The following COL5A2 variants were observed in gnomAD, a reference collection of about 807,000 sequenced individuals.
COL5A2 encodes collagen alpha-2(V) chain.
Under a neutral mutation model 208.2 loss-of-function variants are expected in COL5A2, and 23 were observed. The observed-to-expected ratio is 0.11, with a 90% CI of 0.08 to 0.16. The LOEUF is 0.16. Ranked by LOEUF, COL5A2 falls within the 10% of genes least tolerant of loss-of-function variation. The probability of loss-of-function intolerance (pLI) is 1.00; values close to 1 mark genes in which losing one functional copy is unlikely to be tolerated. For missense variants in COL5A2, 1,590 were observed against 1,956.4 expected (o/e 0.81, Z 3.53); for synonymous variants, 625 against 628.5 (o/e 0.99, Z 0.08).
At chr2:189,133,545 G>T (rs1687767930) in intron 1 of COL5A2, among the ~76,000 whole-genome samples, 1 of 152,146 alleles carries the variant, frequency 6.6e-6, no homozygotes, top group Admixed American at 6.5e-5. Context: ...GATAGTGATA[G>T]GGATGGCATG....
At chr2:189,143,516 T>C (rs561812583) in intron 1 of COL5A2, among the ~76,000 whole-genome samples, 4 of 152,322 alleles carry the variant, frequency 2.6e-5, no homozygotes, top group African/African-American at 7.2e-5. Flanking sequence ...GTCTCTCTCA[T>C]ATCCTCTATT....
chr2:189,145,769 A>G (rs1688026962), intron 1 of COL5A2, among the ~76,000 whole-genome samples: 1 of 152,176 alleles, frequency 6.6e-6, no homozygotes, highest in African/African-American at 2.4e-5. Context: ...ACAAAAGTAT[A>G]TGAGATAAGG....
chr2:189,038,363 A>T (rs565896267), intron 51 of COL5A2, among the ~76,000 whole-genome samples: 6 of 152,270 alleles, frequency 3.9e-5, no homozygotes, highest in African/African-American at 1.2e-4. Context: ...ACATGATTTC[A>T]TTCTTTTTTA....
At chr2:189,250,195 C>A in the COL5A2 span, among the ~76,000 whole-genome samples, 1 of 152,186 alleles carries the variant, frequency 6.6e-6, no homozygotes, top group East Asian at 1.9e-4. Flanking sequence ...TTAAATAGGG[C>A]TTACTGTGTA....
intron 3 of COL5A2, among the ~76,000 whole-genome samples, chr2:189,103,298 A>G (rs1428677435): frequency 2.6e-5 from 4 of 152,098 alleles, no homozygotes; most frequent in Non-Finnish European, 2.9e-5. Flanking sequence ...TCCAAATGAG[A>G]CAAATTTATG....
At chr2:189,301,424 T>C in the COL5A2 span, among the ~76,000 whole-genome samples, 6 of 152,204 alleles carry the variant, frequency 3.9e-5, no homozygotes, top group Non-Finnish European at 5.9e-5. Context: ...AGAATCTCTA[T>C]AGTTTTATCT....
At position 189,058,488 on chromosome 2, in the gene COL5A2, T is replaced by A. The variant is rs772065096; in HGVS notation, c.2170A>T (p.Ile724Leu). 1 of 1,614,034 alleles carries A rather than the reference T, an allele frequency of 6.2e-7. No homozygotes were observed. The highest frequency in any genetic ancestry group is 1.7e-5 in the Admixed American group (1 of 60,012). The change falls in exon 33 of 54, where the codon ATA (isoleucine) becomes TTA (leucine). Residue 724 changes from isoleucine (I) to leucine (L), a missense_variant. Transcript: ENST00000374866. ...CCCTTCTCACCAGGGAGTCCAGTTA[T>A]CCCAGGTTCTCCTCTTTCCCCAGGA... ...GNPGERGEPGITGLPGEKGMA... is the reference protein window; with the variant it reads ...GNPGERGEPGLTGLPGEKGMA...
chr2:189,240,140 A>T, the COL5A2 span, among the ~76,000 whole-genome samples: 11 of 152,332 alleles, frequency 7.2e-5, no homozygotes, highest in South Asian at 2.1e-4. Context: ...ATTTGAAGAA[A>T]ATACTGAAGG....
At chr2:189,299,851 T>C in the COL5A2 span, among the ~76,000 whole-genome samples, 21,486 of 152,124 alleles carry the variant, frequency 0.14, 1,944 homozygotes, top group South Asian at 0.21. Context: ...TTAATGTAGA[T>C]GAGACCCCAT....
chr2:189,260,151 C>A, the COL5A2 span, among the ~76,000 whole-genome samples: 1 of 151,962 alleles, frequency 6.6e-6, no homozygotes, highest in Non-Finnish European at 1.5e-5. Context: ...ATTCCTCTTT[C>A]AAAAAAACTG....
At chr2:189,414,679 AC>A in the COL5A2 span, among the ~76,000 whole-genome samples, 1 of 149,932 alleles carries the variant, frequency 6.7e-6, no homozygotes, top group Non-Finnish European at 1.5e-5. Context: ...AGCCCGGGAG[AC>A]AGAGGTTGCA....
intron 1 of COL5A2, among the ~76,000 whole-genome samples, chr2:189,143,378 T>A (rs1687973183): frequency 6.6e-6 from 1 of 152,188 alleles, no homozygotes; most frequent in Admixed American, 6.5e-5. Flanking sequence ...GAGGTGGCAC[T>A]GTTTTCCATT....
the COL5A2 span, among the ~76,000 whole-genome samples, chr2:189,279,058 A>G: frequency 7.9e-5 from 12 of 151,976 alleles, no homozygotes; most frequent in African/African-American, 2.7e-4. Flanking sequence ...AATAACATCA[A>G]GAAATACGAA....
Position 189,068,284 on chromosome 2 carries a change from T to C in COL5A2, c.1258-14A>G, listed in dbSNP as rs758843621. ...TCCTATTGCACCCTAAAAGGTACAT[T>C]AAAAGTATGTAATGAAATATTAAGC... On this transcript the variant is annotated splice_polypyrimidine_tract_variant and intron_variant, in intron 19 of 53. Transcript: ENST00000374866. 1 of 1,602,718 alleles carries C rather than the reference T, an allele frequency of 6.2e-7. No homozygotes were observed. The highest frequency in any genetic ancestry group is 8.5e-7 in the Non-Finnish European group (1 of 1,170,144).
the COL5A2 span, among the ~76,000 whole-genome samples, chr2:189,385,369 A>G: frequency 6.6e-6 from 1 of 152,182 alleles, no homozygotes; most frequent in African/African-American, 2.4e-5. Context: ...ATACAATCCT[A>G]TTTATAAAAG....
intron 13 of COL5A2, among the ~76,000 whole-genome samples, chr2:189,080,382 G>A (rs1686503997): frequency 6.6e-6 from 1 of 152,090 alleles, no homozygotes; most frequent in South Asian, 2.1e-4. Flanking sequence ...TATTCAAGGT[G>A]AATGTTCAAA....
the COL5A2 span, among the ~76,000 whole-genome samples, chr2:189,342,635 G>A: frequency 2.0e-5 from 2 of 99,648 alleles, no homozygotes; most frequent in African/African-American, 7.4e-5. Flanking sequence ...GTTACAGAGA[G>A]CTAAAACACA....
At chr2:189,185,472 A>C (rs1009840788) in intron 1 of COL5A2, among the ~76,000 whole-genome samples, 4 of 152,258 alleles carry the variant, frequency 2.6e-5, no homozygotes, top group African/African-American at 9.6e-5. Flanking sequence ...AAATAGAAAG[A>C]AGCAGAAAGA....
chr2:189,095,530 C>T (rs1013104265), intron 6 of COL5A2, among the ~76,000 whole-genome samples: 2 of 151,830 alleles, frequency 1.3e-5, no homozygotes, highest in African/African-American at 2.4e-5. Flanking sequence ...ACACACACAA[C>T]ACGCACACAC....
Sources: gnomAD v4.1 joint callset for allele counts (sites outside exome capture counted in the v4.1 genomes callset) on GRCh38, gnomAD v4.1.1 for gene constraint, MANE v1.5 for transcripts, NCBI Gene and HGNC (gene_info 2026-07-23, HGNC 2026-07-21) for gene names.